XPOT: variants seen among roughly 807,000 people sequenced by gnomAD.
XPOT encodes the protein exportin-T.
A neutral mutation model predicts 128.2 loss-of-function variants in XPOT; 34 were observed. The observed-to-expected ratio is 0.27, with a 90% confidence interval of 0.20 to 0.35. XPOT has a LOEUF of 0.35. Among genes scored for constraint, XPOT ranks in the 10% least tolerant of loss-of-function variants. The pLI is 1.00. For missense variants in XPOT, 838 were observed against 1,125.3 expected (o/e 0.74, Z 3.65); for synonymous variants, 348 against 394.3 (o/e 0.88, Z 1.39).
At chr12:64,428,014 C>T (rs1395969538) in intron 15 of XPOT, 37 bp from the exon 16 acceptor site, 3 of 1,376,566 alleles carry the variant, frequency 2.2e-6, no homozygotes, top group Non-Finnish European at 3.1e-6. Context: ...GTTTTGAGCA[C>T]TGTTATTAAT....
At chr12:64,412,803 A>G (rs1461491364) in intron 2 of XPOT, among the ~76,000 whole-genome samples, 1 of 152,178 alleles carries the variant, frequency 6.6e-6, no homozygotes, top group Admixed American at 6.5e-5. Flanking sequence ...AGAACCTCTC[A>G]TATTTCTGAT....
chr12:64,436,966 C>A (rs2040287720), intron 22 of XPOT, among the ~76,000 whole-genome samples: 1 of 152,172 alleles, frequency 6.6e-6, no homozygotes, highest in South Asian at 2.1e-4. Flanking sequence ...CAGCCTCTCT[C>A]AAAGCCATAG....
intron 11 of XPOT, 22 bp downstream of exon 11, chr12:64,423,266 G>A: frequency 6.9e-7 from 1 of 1,456,270 alleles, no homozygotes; most frequent in African/African-American, 1.4e-5. Context: ...TTTTTGTTGA[G>A]GAGAAAGGAG....
chr12:64,447,972 GAT>G (rs1407529202), intron 24 of XPOT, 131 bp from the exon 25 acceptor site: 2 of 794,176 alleles, frequency 2.5e-6, no homozygotes, highest in Non-Finnish European at 4.3e-6. Context: ...ATTACATACG[GAT>G]ATATAAGGCA....
At chr12:64,433,737 T>C (rs1455696089) in intron 19 of XPOT, 134 bp downstream of exon 19, 19 of 789,522 alleles carry the variant, frequency 2.4e-5, no homozygotes, top group East Asian at 3.1e-5. Flanking sequence ...AGTTTATTGT[T>C]TTCAGGGTGG....
intron 6 of XPOT, 112 bp from the exon 7 acceptor site, chr12:64,419,958 C>T (rs1565796988): frequency 2.3e-6 from 2 of 871,980 alleles, no homozygotes; most frequent in Non-Finnish European, 3.3e-6. Flanking sequence ...ATAGGAAATA[C>T]TGGTAGGGAA....
In XPOT at chr12:64,445,124, A is replaced by G; in HGVS notation, c.2855A>G (p.Tyr952Cys). 6.2e-7 allele frequency: 1 copy of G among 1,610,190 alleles called. No individual in the cohort carries two copies. The highest frequency in any genetic ancestry group is 8.5e-7 in the Non-Finnish European group (1 of 1,178,154). Reference sequence around the variant, plus strand: ...CCTGATGCTAAAGTTTTTAAAAATTACTTAAAGGTAGGTATTTGTGAAGCT... The same window carrying G: ...CCTGATGCTAAAGTTTTTAAAAATTGCTTAAAGGTAGGTATTTGTGAAGCT... ...QQPDAKVFKN[Y>C]LKVFFQRAKP The change falls in exon 24 of 25, where the codon TAC becomes TGC. Residue 952 changes from tyrosine to cysteine, a missense_variant. This residue lies in a region of XPOT where 56 missense variants were observed against 79.2 expected (regional missense o/e 0.71). Transcript: ENST00000332707.
intron 1 of XPOT, among the ~76,000 whole-genome samples, chr12:64,406,565 C>T (rs1422057466): frequency 6.6e-6 from 1 of 152,050 alleles, no homozygotes; most frequent in Non-Finnish European, 1.5e-5. Flanking sequence ...GACGGGGTTT[C>T]TCCATGTTGG....
chr12:64,446,311 AG>A (rs748200037), intron 24 of XPOT, among the ~76,000 whole-genome samples: 2 of 152,212 alleles, frequency 1.3e-5, no homozygotes, highest in Non-Finnish European at 2.9e-5. Context: ...ACTTCTCTTC[AG>A]TGATGACATT....
chr12:64,412,761 A>G (rs2040050963), intron 2 of XPOT, among the ~76,000 whole-genome samples: 1 of 152,158 alleles, frequency 6.6e-6, no homozygotes, highest in Admixed American at 6.5e-5. Context: ...CGGTCTTACA[A>G]ACCGCCCCCA....
intron 9 of XPOT, among the ~76,000 whole-genome samples, chr12:64,421,997 A>G (rs1372119339): frequency 6.6e-6 from 1 of 152,050 alleles, no homozygotes; most frequent in Admixed American, 6.6e-5. Context: ...CTTTTAGTAG[A>G]CAGGGTTTCT....
At chr12:64,440,328 C>A (rs1178782570) in intron 23 of XPOT, among the ~76,000 whole-genome samples, 1 of 152,172 alleles carries the variant, frequency 6.6e-6, no homozygotes, top group African/African-American at 2.4e-5. Context: ...GAATAACATG[C>A]CACTGTATGT....
At chr12:64,420,810 T>A (rs1190645985) in intron 8 of XPOT, among the ~76,000 whole-genome samples, 1 of 152,176 alleles carries the variant, frequency 6.6e-6, no homozygotes, top group African/African-American at 2.4e-5. Context: ...TTGTTTTGTT[T>A]TGTTTTTTGA....
chr12:64,424,501 G>A (rs900732745), intron 11 of XPOT, 98 bp from the exon 12 acceptor site: 15 of 1,279,648 alleles, frequency 1.2e-5, no homozygotes, highest in African/African-American at 7.5e-5. Flanking sequence ...TGTGCAGAAC[G>A]TGCAGGTTTG....
At chr12:64,446,231 AG>A (rs1459940715) in intron 24 of XPOT, among the ~76,000 whole-genome samples, 1 of 152,210 alleles carries the variant, frequency 6.6e-6, no homozygotes, top group African/African-American at 2.4e-5. Flanking sequence ...GGTACCCTAT[AG>A]AAGGCTTGTT....
At chr12:64,431,419 T>G in intron 17 of XPOT, 119 bp from the exon 18 acceptor site, 1 of 983,890 alleles carries the variant, frequency 1.0e-6, no homozygotes, top group Non-Finnish European at 1.5e-6. Flanking sequence ...ATGTGGAAAA[T>G]AAAGGTCTGG....
intron 22 of XPOT, among the ~76,000 whole-genome samples, chr12:64,436,567 AT>A (rs1163828059): frequency 6.6e-6 from 1 of 151,726 alleles, no homozygotes; most frequent in African/African-American, 2.4e-5. Flanking sequence ...GGCCTTGGTT[AT>A]TTTTTTAATA....
At chr12:64,422,122 A>G (rs1007986092) in intron 9 of XPOT, among the ~76,000 whole-genome samples, 1 of 152,130 alleles carries the variant, frequency 6.6e-6, no homozygotes, top group African/African-American at 2.4e-5. Flanking sequence ...AATTTTTTAC[A>G]ATTAAAGTTT....
At chr12:64,446,623 ATTTTT>A (rs144576382) in intron 24 of XPOT, among the ~76,000 whole-genome samples, 15 of 143,252 alleles carry the variant, frequency 1.0e-4, no homozygotes, top group African/African-American at 3.6e-4. Flanking sequence ...TTGGCACTTA[ATTTTT>A]TTTTTTTTTC....
Sources: gnomAD v4.1 joint callset for allele counts (sites outside exome capture counted in the v4.1 genomes callset) on GRCh38, gnomAD v4.1.1 for gene constraint, gnomAD v4.1.1 regional missense constraint, MANE v1.5 for transcripts, NCBI Gene and HGNC (gene_info 2026-07-23, HGNC 2026-07-21) for gene names.